Variants in ABCC4 observed in about 807,000 individuals in gnomAD.
ABCC4 encodes ATP-binding cassette sub-family C member 4.
Under a neutral mutation model 168.5 loss-of-function variants are expected in ABCC4, and 102 were observed. That is an observed-to-expected ratio of 0.61 (90% confidence interval 0.52 to 0.71). The LOEUF (loss-of-function observed/expected upper bound fraction) is 0.71, where lower values mean the gene tolerates loss of function less well. Ranked by LOEUF, ABCC4 falls within the 30% of genes least tolerant of loss-of-function variation. ABCC4 has a pLI of 0.00. For missense variants in ABCC4, 1,402 were observed against 1,605.8 expected (o/e 0.87, Z 2.17); for synonymous variants, 617 against 590.7 (o/e 1.04, Z -0.65).
chr13:95,262,556 T>A (rs572835244), intron 1 of ABCC4, among the ~76,000 whole-genome samples: 8 of 152,126 alleles, frequency 5.3e-5, no homozygotes, highest in Non-Finnish European at 1.2e-4. Context: ...TTCACGGACA[T>A]GCACAGAGTA....
rs562402785 is a variant in ABCC4, at chr13:95,289,835, A to G, written c.74+11406T>C. The stretch of plus-strand genomic sequence containing the variant: ...TGATGTGCGGGGCGCGGTGGCTCAC[A>G]CCTGTAATCCCAGCATTTTGGGAGG... On this transcript the variant is annotated intron_variant, in intron 1 of 30. Coordinates refer to ENST00000645237, the MANE Select transcript of ABCC4 (RefSeq NM_005845.5). Among the ~76,000 whole-genome samples the G allele has an allele frequency of 3.3e-5, 5 of 152,260 alleles. No individual in the cohort carries two copies. In the South Asian group the frequency reaches 1.0e-3, roughly 32 times the overall value.
intron 29 of ABCC4, among the ~76,000 whole-genome samples, chr13:95,034,954 A>G (rs1448060913): frequency 1.3e-5 from 2 of 152,164 alleles, no homozygotes. Flanking sequence ...AAAGGAAGAA[A>G]ATGAAAGTTC....
At chr13:95,070,684 G>T (rs568695673) in intron 25 of ABCC4, among the ~76,000 whole-genome samples, 5 of 152,276 alleles carry the variant, frequency 3.3e-5, no homozygotes, top group African/African-American at 1.2e-4. Context: ...CATGGGATCT[G>T]GGTCTTCCCT....
At chr13:95,117,882 C>T (rs909692520) in intron 19 of ABCC4, among the ~76,000 whole-genome samples, 6 of 151,318 alleles carry the variant, frequency 4.0e-5, no homozygotes, top group African/African-American at 1.5e-4. Context: ...AGTTCAAGAC[C>T]AGCCTGAGCA....
chr13:95,238,228 A>G (rs1325751723), intron 3 of ABCC4, among the ~76,000 whole-genome samples: 1 of 150,398 alleles, frequency 6.6e-6, no homozygotes, highest in Admixed American at 6.6e-5. Context: ...AAATGGGGGA[A>G]CAGGGGACAA....
chr13:95,186,520 C>T (rs1594258199), intron 11 of ABCC4, among the ~76,000 whole-genome samples, 181 bp downstream of exon 11: 1 of 152,078 alleles, frequency 6.6e-6, no homozygotes, highest in African/African-American at 2.4e-5. Flanking sequence ...ACATCATTTT[C>T]GCATCAGACG....
chr13:95,262,547 T>A (rs528455035), intron 1 of ABCC4, among the ~76,000 whole-genome samples: 158 of 152,266 alleles, frequency 1.0e-3, no homozygotes, highest in African/African-American at 3.7e-3. Context: ...TTGCAGTCCT[T>A]CACGGACATG....
chr13:95,071,875 G>A (rs1374485624), intron 24 of ABCC4, 22 bp from the exon 25 acceptor site: 6 of 1,457,886 alleles, frequency 4.1e-6, no homozygotes, highest in South Asian at 1.6e-5. Flanking sequence ...ATGACATCCC[G>A]AGGGGTTAGG....
rs2032486230 is a variant in ABCC4, at chr13:95,044,333, C to A, written c.3562G>T (p.Ala1188Ser). The A allele has an allele frequency of 6.2e-7, 1 of 1,613,570 alleles. No individual in the cohort carries two copies. The highest frequency in any genetic ancestry group is 1.7e-5 in the Admixed American group (1 of 59,918). The change falls in exon 28 of 31, where the codon GCC becomes TCC. Residue 1188 changes from alanine to serine, a missense_variant. Physicochemically the swap from Ala to Ser is moderately conservative, Grantham distance 99. Around this residue, in one of 3 missense-constraint regions of ABCC4, gnomAD observed 1,007 missense variants for 1,127.3 expected, o/e 0.89. Transcript: ENST00000645237. ...TGATTTTTCCTGAGAATTGCCCTGG[C>A]AAGGCACACCAGTTGTCTTTGTCCA... Reference protein sequence around the residue: ...SVGQRQLVCLARAILRKNQIL... With the variant: ...SVGQRQLVCLSRAILRKNQIL...
At chr13:95,175,973 C>G (rs1183800381) in intron 13 of ABCC4, among the ~76,000 whole-genome samples, 4 of 152,196 alleles carry the variant, frequency 2.6e-5, no homozygotes, top group Non-Finnish European at 5.9e-5. Context: ...TGCTGTCCTT[C>G]CCACAGGCCT....
At position 95,098,257 on chromosome 13, in the gene ABCC4, A is replaced by G. The variant is rs190368019; in HGVS notation, c.2536-14967T>C. ...AGAGGAAGTATAACTTTAAATGCATATATTATGAAACAAATGAAAACCAAC... is the reference window on the plus strand; with the variant it reads ...AGAGGAAGTATAACTTTAAATGCATGTATTATGAAACAAATGAAAACCAAC... On this transcript the variant is annotated intron_variant, in intron 20 of 30. Transcript: ENST00000645237. Among the ~76,000 whole-genome samples the G allele has an allele frequency of 9.2e-5, 14 of 152,268 alleles. No homozygotes were observed. The East Asian group carries it at 2.1e-3, about 23-fold the overall frequency.
At chr13:95,279,739 C>T (rs1000004254) in intron 1 of ABCC4, among the ~76,000 whole-genome samples, 1 of 152,048 alleles carries the variant, frequency 6.6e-6, no homozygotes, top group African/African-American at 2.4e-5. Flanking sequence ...GATTTGCTGA[C>T]CCCAGTGGGT....
intron 9 of ABCC4, 37 bp from the exon 10 acceptor site, chr13:95,188,579 T>G: frequency 6.6e-7 from 1 of 1,523,386 alleles, no homozygotes; most frequent in South Asian, 1.2e-5. Flanking sequence ...CCCATTTCAA[T>G]AAAGTCACAC....
intron 1 of ABCC4, among the ~76,000 whole-genome samples, chr13:95,256,602 C>CA (rs1486791647): frequency 6.6e-6 from 1 of 151,948 alleles, no homozygotes; most frequent in Admixed American, 6.6e-5. Flanking sequence ...CAAAAACATA[C>CA]AAAAAACTGG....
chr13:95,182,707 G>T (rs556170385), intron 11 of ABCC4, among the ~76,000 whole-genome samples: 1 of 152,288 alleles, frequency 6.6e-6, no homozygotes, highest in African/African-American at 2.4e-5. Context: ...TGACAAAACT[G>T]AGGCTTTCTA....
chr13:95,262,298 T>C (rs1367184246), intron 1 of ABCC4, among the ~76,000 whole-genome samples: 2 of 152,202 alleles, frequency 1.3e-5, no homozygotes, highest in African/African-American at 2.4e-5. Context: ...TACTGAAGGA[T>C]GAAGATACAA....
rs146557752 is a variant in ABCC4 at position 95,209,361 on chromosome 13, G to A, written c.785+73C>T. 588 of 1,517,218 alleles carry A rather than the reference G, an allele frequency of 3.9e-4. 4 individuals carry two copies. Among genetic ancestry groups the A allele is most frequent in the Middle Eastern group, 3.2e-3 (18 of 5,706 alleles). 94.0% of individuals were successfully genotyped at this position (1,517,218 alleles called of 1,614,324 possible). ...AATAAAAGGCATTTAGTTTGTTTCT[G>A]AACAAAAGCATTGGGAAGACTGTGG... On this transcript the variant is annotated intron_variant, in intron 6 of 30. Coordinates refer to ENST00000645237, the MANE Select transcript of ABCC4 (RefSeq NM_005845.5).
chr13:95,129,620 AT>A lies in ABCC4; in HGVS notation c.2456-13620del, dbSNP rs1157639326. On this transcript the variant is annotated intron_variant, in intron 19 of 30. Transcript: ENST00000645237. ...AACTAAAATGGATAGTATTTCTCTT[AT>A]TTAAGAAAAAATACGTACTAGAAAA... Among the ~76,000 whole-genome samples the A allele has an allele frequency of 1.3e-4, 20 of 152,350 alleles. No homozygotes were observed. In the East Asian group the frequency reaches 2.3e-3, roughly 18 times the overall value.
chr13:95,145,928 C>T (rs543099512), intron 19 of ABCC4, among the ~76,000 whole-genome samples: 30 of 152,138 alleles, frequency 2.0e-4, no homozygotes, highest in Admixed American at 1.4e-3. Context: ...AAGGAAACAA[C>T]AGGCCGGGCA....
Sources: gnomAD v4.1 joint callset for allele counts (sites outside exome capture counted in the v4.1 genomes callset) on GRCh38, gnomAD v4.1.1 for gene constraint, gnomAD v4.1.1 regional missense constraint, MANE v1.5 for transcripts, NCBI Gene and HGNC (gene_info 2026-07-23, HGNC 2026-07-21) for gene names.